Variants in ZDHHC15 observed in about 807,000 individuals in gnomAD.
The protein encoded by ZDHHC15 is palmitoyltransferase ZDHHC15.
ZDHHC15 carries 19 observed loss-of-function variants against 31.7 expected under a neutral mutation model. That is an observed-to-expected ratio of 0.60 (90% CI 0.42 to 0.88). The LOEUF (loss-of-function observed/expected upper bound fraction) is 0.88. Ranked by LOEUF, ZDHHC15 falls within the 40% of genes least tolerant of loss-of-function variation. The pLI, the probability that ZDHHC15 is intolerant of heterozygous loss-of-function variation, is 0.00. For missense variants in ZDHHC15, 209 were observed against 251.2 expected (o/e 0.83, Z 1.14); for synonymous variants, 103 against 90.0 (o/e 1.14, Z -0.82).
At chrX:75,517,031 A>T (rs957210210) in intron 1 of ZDHHC15, among the ~76,000 whole-genome samples, 2 of 112,295 alleles carry the variant, frequency 1.8e-5, no homozygotes, top group African/African-American at 6.5e-5. Flanking sequence ...TCAAAACCAC[A>T]ATGAGATACC....
intron 3 of ZDHHC15, 35 bp from the exon 4 acceptor site, chrX:75,450,957 C>T: frequency 8.5e-7 from 1 of 1,180,640 alleles, no homozygotes; most frequent in Non-Finnish European, 1.1e-6. Flanking sequence ...ACTTTATTAT[C>T]TAAAGTTAAT....
rs1325765115 is a variant in ZDHHC15 at position 75,371,398 on chromosome X, C to A, written c.*1580G>T. 9.0e-6 allele frequency: 1 copy of A among 111,603 alleles called. No homozygotes were observed. Among genetic ancestry groups the A allele is most frequent in the African/African-American group, 3.3e-5 (1 of 30,696 alleles). The allele number at this position is 111,603 out of a possible 1,213,427, so 9.2% of individuals were successfully genotyped here. A position where few individuals can be genotyped will look rare whatever the true frequency, so the allele number is the denominator to read the frequency against. On this transcript the variant is annotated 3_prime_UTR_variant, in exon 12 of 12. Transcript: ENST00000373367. ...AATAAGTGTAGTCATGTCTAGTATT[C>A]TCTCAAATGTAATGCTGACCACAAT...
chrX:75,416,672 C>G (rs777764432), intron 10 of ZDHHC15, among the ~76,000 whole-genome samples: 3 of 111,243 alleles, frequency 2.7e-5, no homozygotes, highest in African/African-American at 9.8e-5. Context: ...TGTATTGAAA[C>G]CATTCTAAAA....
chrX:75,491,758 A>G (rs2084898535), intron 2 of ZDHHC15, among the ~76,000 whole-genome samples: 1 of 111,238 alleles, frequency 9.0e-6, no homozygotes, highest in Admixed American at 9.6e-5. Context: ...TTTTGTCACC[A>G]CCAGGCCTGC....
chrX:75,469,053 C>T (rs900967185), intron 3 of ZDHHC15, among the ~76,000 whole-genome samples: 1 of 106,432 alleles, frequency 9.4e-6, no homozygotes, highest in Admixed American at 1.0e-4. Context: ...GTACAAAAGG[C>T]TTTTTTTTTT....
chrX:75,444,884 A>G (rs1244794019), intron 4 of ZDHHC15, among the ~76,000 whole-genome samples: 1 of 108,212 alleles, frequency 9.2e-6, no homozygotes, highest in African/African-American at 3.4e-5. Context: ...TCAGACTGGG[A>G]CTTACGTGAT....
intron 10 of ZDHHC15, among the ~76,000 whole-genome samples, chrX:75,404,628 G>C (rs1001352283): frequency 5.2e-4 from 58 of 111,961 alleles, no homozygotes; most frequent in African/African-American, 1.8e-3. Context: ...TATAAAAAAA[G>C]CTCAATATCA....
At chrX:75,464,003 C>T (rs1391049114) in intron 3 of ZDHHC15, among the ~76,000 whole-genome samples, 1 of 111,889 alleles carries the variant, frequency 8.9e-6, no homozygotes, top group Admixed American at 9.5e-5. Flanking sequence ...TATTGCGGCA[C>T]TATTCACAAA....
chrX:75,384,933 G>A (rs1461078299), intron 10 of ZDHHC15: 4 of 443,627 alleles, frequency 9.0e-6, no homozygotes, highest in East Asian at 3.8e-5. Flanking sequence ...ATCTACTATC[G>A]CCAATATGCA....
rs1417939164 is a variant in ZDHHC15 at position 75,505,213 on chromosome X, A to G, written c.163+608T>C. Among the ~76,000 whole-genome samples, 3 of 111,836 alleles carry G rather than the reference A, an allele frequency of 2.7e-5. No homozygotes were observed. In the East Asian group the frequency reaches 8.4e-4, roughly 31 times the overall value. The stretch of plus-strand genomic sequence containing the variant: ...GAATTATAACAATTAATTCCCCTGA[A>G]GTTCTCAACTGGCTGTATAAAGTGG... On this transcript the variant is annotated intron_variant, in intron 2 of 11. Transcript: ENST00000373367.
intron 1 of ZDHHC15, among the ~76,000 whole-genome samples, chrX:75,517,882 G>T (rs1479351733): frequency 9.1e-6 from 1 of 110,224 alleles, no homozygotes. Context: ...TGTAGCCCCA[G>T]CTATTTGAGA....
intron 2 of ZDHHC15, among the ~76,000 whole-genome samples, chrX:75,489,539 T>C (rs2084838635): frequency 8.9e-6 from 1 of 111,805 alleles, no homozygotes; most frequent in Non-Finnish European, 1.9e-5. Flanking sequence ...TCCTCACTGT[T>C]AGAAGGAAAA....
rs139035594 is a variant in ZDHHC15, at chrX:75,399,253, C to G, written c.967+17834G>C. On this transcript the variant is annotated intron_variant, in intron 10 of 11. Transcript: ENST00000373367. ...TAAGCTAGTACCAACTCAGCAACTC[C>G]CTGGACAGAGCCTCCAGGGGCAACT... 2.9e-3 allele frequency among the ~76,000 whole-genome samples: 326 copies of G among 111,810 alleles called. 1 individual carries two copies. Among genetic ancestry groups the G allele is most frequent in the African/African-American group, 9.9e-3 (306 of 30,826 alleles).
intron 2 of ZDHHC15, among the ~76,000 whole-genome samples, chrX:75,504,971 A>C (rs979167064): frequency 9.0e-6 from 1 of 111,444 alleles, no homozygotes; most frequent in Non-Finnish European, 1.9e-5. Context: ...ATACATGAAT[A>C]AAATGAACAC....
chrX:75,405,349 G>C (rs185317405), intron 10 of ZDHHC15, among the ~76,000 whole-genome samples: 1 of 110,534 alleles, frequency 9.0e-6, no homozygotes, highest in Admixed American at 9.6e-5. Flanking sequence ...ACCTATATAA[G>C]AAACCTTCAC....
chrX:75,414,919 T>C (rs1169687213), intron 10 of ZDHHC15, among the ~76,000 whole-genome samples: 1 of 107,066 alleles, frequency 9.3e-6, no homozygotes, highest in Non-Finnish European at 1.9e-5. Flanking sequence ...GTGTGTGTCA[T>C]CATACCTGGC....
intron 11 of ZDHHC15, among the ~76,000 whole-genome samples, chrX:75,378,003 C>G (rs1189372877): frequency 1.8e-5 from 2 of 112,227 alleles, no homozygotes; most frequent in African/African-American, 3.2e-5. Context: ...ATATTACTAT[C>G]ATATAAGTTG....
At chrX:75,418,201 T>C (rs980908703) in intron 9 of ZDHHC15, among the ~76,000 whole-genome samples, 1 of 111,922 alleles carries the variant, frequency 8.9e-6, no homozygotes, top group African/African-American at 3.2e-5. Flanking sequence ...TTGTGATTTA[T>C]AGACAGGTTA....
At chrX:75,519,469 T>G (rs915829097) in intron 1 of ZDHHC15, among the ~76,000 whole-genome samples, 1 of 111,614 alleles carries the variant, frequency 9.0e-6, no homozygotes, top group Admixed American at 9.6e-5. Flanking sequence ...GCAAGGTACA[T>G]GTGAGACAAC....
Sources: gnomAD v4.1 joint callset for allele counts (sites outside exome capture counted in the v4.1 genomes callset) on GRCh38, gnomAD v4.1.1 for gene constraint, MANE v1.5 for transcripts, NCBI Gene and HGNC (gene_info 2026-07-23, HGNC 2026-07-21) for gene names.